TAF8: variants seen among roughly 807,000 people sequenced by gnomAD.
TAF8 encodes TATA-box binding protein associated factor 8.
TAF8 carries 47 observed loss-of-function variants against 36.5 expected under a neutral mutation model. The ratio of observed to expected loss-of-function variants is 1.29; its 90% CI spans 1.02 to 1.64. TAF8 has a LOEUF of 1.64. TAF8 is among the 40% of genes most tolerant of loss of function. The pLI is 0.00. For synonymous variants in TAF8, 175 were observed against 159.5 expected (o/e 1.10, Z -0.73); for missense variants, 420 against 407.6 (o/e 1.03, Z -0.26).
Position 42,078,384 on chromosome 6 carries a change from C to T in TAF8, c.*839C>T. 6.1e-6 allele frequency: 6 copies of T among 985,440 alleles called. No individual in the cohort carries two copies. The highest frequency in any genetic ancestry group is 7.2e-6 in the Non-Finnish European group (6 of 829,940). 61.0% of individuals were successfully genotyped at this position (985,440 alleles called of 1,614,324 possible). Reference sequence around the variant, plus strand: ...CGTGTATTTCAGGATATCTGGATCCCTTTTATTGACTCACAATTTGTGGCA... The same window carrying T: ...CGTGTATTTCAGGATATCTGGATCCTTTTTATTGACTCACAATTTGTGGCA... On this transcript the variant is annotated 3_prime_UTR_variant, in exon 9 of 9. Transcript: ENST00000372977.
intron 7 of TAF8, among the ~76,000 whole-genome samples, chr6:42,071,830 A>G (rs1765590776): frequency 6.6e-6 from 1 of 152,162 alleles, no homozygotes; most frequent in African/African-American, 2.4e-5. Flanking sequence ...ATACCTTTGT[A>G]AGTACAATAT....
intron 5 of TAF8, among the ~76,000 whole-genome samples, chr6:42,062,597 C>T (rs1213439196): frequency 8.1e-6 from 1 of 124,122 alleles, no homozygotes. Flanking sequence ...TGCAGTGGTG[C>T]GATCTCAGCT....
At chr6:42,085,077 C>T (rs78216089), downstream of TAF8, among the ~76,000 whole-genome samples, 10,910 of 152,248 alleles carry the variant, frequency 0.072, 548 homozygotes, top group East Asian at 0.18. Context: ...CCTCTAGAGG[C>T]AGTCTGTGCA....
In TAF8 at chr6:42,055,582, G is replaced by C; in HGVS notation, c.254G>C (p.Arg85Thr). The C allele has an allele frequency of 6.8e-6, 11 of 1,614,204 alleles. No individual in the cohort carries two copies. The highest frequency in any genetic ancestry group is 9.3e-6 in the Non-Finnish European group (11 of 1,180,030). ...AAGTCTTACTGTGAGCACACAGCCAGGACCCAGCCCACACTGTCCGATATC... is the reference window on the plus strand; with the variant it reads ...AAGTCTTACTGTGAGCACACAGCCACGACCCAGCCCACACTGTCCGATATC... The part of the protein sequence containing the change: ...SAKSYCEHTA[R>T]TQPTLSDIVV... Residue 85 changes from arginine (R) to threonine (T), a missense_variant, in exon 3 of 9, where the codon AGG becomes ACG. Physicochemically the swap from Arg to Thr is moderately conservative, Grantham distance 71. Transcript: ENST00000372977.
At chr6:42,069,518 G>A (rs972870427) in intron 7 of TAF8, among the ~76,000 whole-genome samples, 9 of 152,122 alleles carry the variant, frequency 5.9e-5, no homozygotes, top group African/African-American at 2.2e-4. Flanking sequence ...TTTTTTGCCT[G>A]AACAATAGGA....
chr6:42,054,336 A>T (rs1206675820), intron 2 of TAF8, among the ~76,000 whole-genome samples: 6 of 152,328 alleles, frequency 3.9e-5, no homozygotes, highest in Middle Eastern at 3.4e-3. Context: ...AGATATTCAT[A>T]AAAAAATTTA....
At chr6:42,074,970 C>T (rs765314438) in intron 7 of TAF8, among the ~76,000 whole-genome samples, 9 of 151,956 alleles carry the variant, frequency 5.9e-5, no homozygotes, top group African/African-American at 1.2e-4. Flanking sequence ...TTGTGAGCCA[C>T]GGTGGGCCGA....
At position 42,081,054 on chromosome 6, in the gene TAF8, G is replaced by C; in HGVS notation, c.*3509G>C. The stretch of plus-strand genomic sequence containing the variant: ...AAATTTTCAAATACAAAATTAGAGA[G>C]CAAAATATATGAACCCCTGTATATG... On this transcript the variant is annotated 3_prime_UTR_variant, in exon 9 of 9. Coordinates refer to ENST00000372977, the MANE Select transcript of TAF8 (RefSeq NM_138572.3). 1.3e-6 allele frequency: 1 copy of C among 785,704 alleles called. No individual in the cohort carries two copies. The highest frequency in any genetic ancestry group is 5.8e-5 in the South Asian group (1 of 17,212). 48.7% of individuals were successfully genotyped at this position (785,704 alleles called of 1,614,324 possible).
chr6:42,078,751 AG>A lies in TAF8; in HGVS notation c.*1208del. 1.0e-6 allele frequency: 1 copy of A among 985,394 alleles called. No homozygotes were observed. Among genetic ancestry groups the A allele is most frequent in the Non-Finnish European group, 1.2e-6 (1 of 829,918 alleles). The allele number at this position is 985,394 out of a possible 1,614,324, so 61.0% of individuals were successfully genotyped here. ...CAAGTCTTACCCCTTCTGGAAGAAG[AG>A]GTTTTCTCTGACAAGAGCCTAGAGC... On this transcript the variant is annotated 3_prime_UTR_variant, in exon 9 of 9. Transcript: ENST00000372977.
At chr6:42,072,913 C>T (rs542480540) in intron 7 of TAF8, among the ~76,000 whole-genome samples, 16 of 151,640 alleles carry the variant, frequency 1.1e-4, no homozygotes, top group African/African-American at 2.4e-4. Context: ...TTAGTAGAGG[C>T]GGGGTTTCAC....
chr6:42,051,028 GTT>G, intron 1 of TAF8: 1 of 1,083,684 alleles, frequency 9.2e-7, no homozygotes, highest in Non-Finnish European at 1.1e-6. Context: ...GAGGGATCCT[GTT>G]TTTTCTGCGG....
intron 8 of TAF8, 49 bp downstream of exon 8, chr6:42,077,288 G>A (rs2493839): frequency 0.1 from 157,408 of 1,581,346 alleles, 8,731 homozygotes; most frequent in African/African-American, 0.17. Context: ...CCACCGAGGT[G>A]GTCTTCTCTG....
At chr6:42,065,439 A>G (rs1765329544) in intron 5 of TAF8, among the ~76,000 whole-genome samples, 1 of 152,236 alleles carries the variant, frequency 6.6e-6, no homozygotes, top group Admixed American at 6.5e-5. Flanking sequence ...CAGCAAGCTC[A>G]TAATTAGGAG....
Position 42,078,669 on chromosome 6 carries a change from C to T in TAF8, c.*1124C>T. 2 of 985,436 alleles carry T rather than the reference C, an allele frequency of 2.0e-6. No individual in the cohort carries two copies. Among genetic ancestry groups the T allele is most frequent in the Non-Finnish European group, 2.4e-6 (2 of 829,948 alleles). 61.0% of individuals were successfully genotyped at this position (985,436 alleles called of 1,614,324 possible). A position where few individuals can be genotyped will look rare whatever the true frequency, so the allele number is the denominator to read the frequency against. On this transcript the variant is annotated 3_prime_UTR_variant, in exon 9 of 9. Coordinates refer to ENST00000372977, the MANE Select transcript of TAF8 (RefSeq NM_138572.3). The stretch of plus-strand genomic sequence containing the variant: ...GCTCCCTGAAGCGGGGCAGCACTCT[C>T]CTCCTGAGAGATTTACCATTTATTG...
chr6:42,056,084 T>C (rs45578431), intron 4 of TAF8, 70 bp downstream of exon 4: 132 of 1,004,488 alleles, frequency 1.3e-4, no homozygotes, highest in Non-Finnish European at 1.6e-4. Context: ...TAATTGAATA[T>C]GGTAGGGATT....
In TAF8 at chr6:42,080,599, C is replaced by T. The variant is rs891759047; in HGVS notation, c.*3054C>T. 1.4e-6 allele frequency: 1 copy of T among 738,110 alleles called. No homozygotes were observed. The highest frequency in any genetic ancestry group is 1.7e-6 in the Non-Finnish European group (1 of 604,736). The allele number at this position is 738,110 out of a possible 1,614,324, so 45.7% of individuals were successfully genotyped here. On this transcript the variant is annotated 3_prime_UTR_variant, in exon 9 of 9. Transcript: ENST00000372977. Reference sequence around the variant, plus strand: ...CCAGGTTGGCCAGGGTGGTCTCGAACACCTGACCTCAGATGATCCACCCAC... The same window carrying T: ...CCAGGTTGGCCAGGGTGGTCTCGAATACCTGACCTCAGATGATCCACCCAC...
At chr6:42,073,578 G>T (rs1202262576) in intron 7 of TAF8, among the ~76,000 whole-genome samples, 1 of 152,196 alleles carries the variant, frequency 6.6e-6, no homozygotes, top group Non-Finnish European at 1.5e-5. Flanking sequence ...GCAGGAGCTT[G>T]AAATGGGTGA....
chr6:42,085,749 C>T (rs1014216426), downstream of TAF8, among the ~76,000 whole-genome samples: 14 of 152,200 alleles, frequency 9.2e-5, no homozygotes, highest in Non-Finnish European at 1.8e-4. Flanking sequence ...CTTTGGGAGG[C>T]TGAGGTGGGT....
At chr6:42,073,224 C>G (rs1765640181) in intron 7 of TAF8, among the ~76,000 whole-genome samples, 1 of 152,194 alleles carries the variant, frequency 6.6e-6, no homozygotes, top group Admixed American at 6.6e-5. Flanking sequence ...CAGCTGCTCT[C>G]TGCAGCCAAC....
Sources: gnomAD v4.1 joint callset for allele counts (sites outside exome capture counted in the v4.1 genomes callset) on GRCh38, gnomAD v4.1.1 for gene constraint, MANE v1.5 for transcripts, NCBI Gene and HGNC (gene_info 2026-07-23, HGNC 2026-07-21) for gene names.